Variants in PKIB observed in about 807,000 individuals in gnomAD.
The protein encoded by PKIB is cAMP-dependent protein kinase inhibitor beta.
In PKIB, 2 loss-of-function variants were observed where a neutral mutation model predicts 4.5. That is an observed-to-expected ratio of 0.44 (90% CI 0.18 to 1.39). PKIB has a LOEUF of 1.39. PKIB is among the 40% of genes most tolerant of loss of function. The pLI is 0.27. For missense variants in PKIB, 94 were observed against 92.6 expected (o/e 1.02, Z -0.06); for synonymous variants, 38 against 36.0 (o/e 1.06, Z -0.20).
intron 2 of PKIB, among the ~76,000 whole-genome samples, chr6:122,577,385 A>G (rs1004642841): frequency 1.3e-5 from 2 of 152,094 alleles, no homozygotes; most frequent in Non-Finnish European, 2.9e-5. Context: ...TTGTTTGTAT[A>G]TTTTTTCTTA....
intron 2 of PKIB, among the ~76,000 whole-genome samples, chr6:122,565,543 C>G (rs1424042716): frequency 6.6e-6 from 1 of 152,100 alleles, no homozygotes; most frequent in Non-Finnish European, 1.5e-5. Context: ...ATTTTTCTAC[C>G]AAGTTCCTTA....
At chr6:122,631,746 A>C (rs1775713225) in intron 1 of PKIB, among the ~76,000 whole-genome samples, 1 of 152,176 alleles carries the variant, frequency 6.6e-6, no homozygotes, top group South Asian at 2.1e-4. Context: ...ACTAGAACTG[A>C]GTTCAGTGCT....
chr6:122,657,797 A>G (rs1776832546), intron 2 of PKIB, among the ~76,000 whole-genome samples: 1 of 152,226 alleles, frequency 6.6e-6, no homozygotes, highest in Admixed American at 6.5e-5. Flanking sequence ...ATCTCAATAT[A>G]CTCATAAAAC....
intron 2 of PKIB, chr6:122,480,184 A>T (rs879534120): frequency 1.3e-5 from 2 of 152,150 alleles, no homozygotes; most frequent in African/African-American, 2.4e-5. Flanking sequence ...CTGGGACTAC[A>T]GGCGCCCGCC....
intron 2 of PKIB, among the ~76,000 whole-genome samples, chr6:122,514,063 T>C (rs540014539): frequency 6.6e-6 from 1 of 152,262 alleles, no homozygotes; most frequent in East Asian, 1.9e-4. Context: ...ACAGGAACAC[T>C]TGGGCTCCTG....
At chr6:122,513,229 C>A (rs1395616645) in intron 2 of PKIB, among the ~76,000 whole-genome samples, 1 of 152,148 alleles carries the variant, frequency 6.6e-6, no homozygotes, top group East Asian at 1.9e-4. Flanking sequence ...TTTCCCACAC[C>A]ATTTAGGCCA....
At chr6:122,546,801 A>C (rs1293189255) in intron 2 of PKIB, among the ~76,000 whole-genome samples, 2 of 152,110 alleles carry the variant, frequency 1.3e-5, no homozygotes, top group Admixed American at 1.3e-4. Flanking sequence ...TAAATATGCA[A>C]AATCAGAGAT....
At chr6:122,704,727 A>AGTGTGTGT (rs1778983329) in intron 3 of PKIB, among the ~76,000 whole-genome samples, 2 of 45,678 alleles carry the variant, frequency 4.4e-5, no homozygotes, top group Non-Finnish European at 9.0e-5. Flanking sequence ...TGAAATAATA[A>AGTGTGTGT]CTGTGTGTGT....
intron 2 of PKIB, among the ~76,000 whole-genome samples, chr6:122,583,960 G>C (rs544608548): frequency 6.6e-6 from 1 of 151,986 alleles, no homozygotes; most frequent in Admixed American, 6.6e-5. Flanking sequence ...TTGCAGTGTG[G>C]GAGTGTCTAA....
Position 122,671,366 on chromosome 6 carries a change from A to G in PKIB, c.-75-3712A>G, listed in dbSNP as rs922635720. Among the ~76,000 whole-genome samples, 13 of 139,190 alleles carry G rather than the reference A, an allele frequency of 9.3e-5. No homozygotes were observed. The Admixed American group carries it at 9.4e-4, about 10-fold the overall frequency. 91.3% of individuals were successfully genotyped at this position (139,190 alleles called of 152,430 possible). On this transcript the variant is annotated intron_variant, in intron 2 of 4. Coordinates refer to ENST00000368452, the MANE Select transcript of PKIB (RefSeq NM_181795.3). ...TCATTGACATTGTAAAATAGTTCAA[A>G]TGAAAGCATAGGTTAGGTCTTATCT...
At chr6:122,623,960 T>G (rs1490552428) in intron 1 of PKIB, among the ~76,000 whole-genome samples, 1 of 152,178 alleles carries the variant, frequency 6.6e-6, no homozygotes, top group Non-Finnish European at 1.5e-5. Context: ...CATTATTCTT[T>G]GTGACAAGAA....
rs937922872 is a variant in PKIB at position 122,587,656 on chromosome 6, G to A, written c.-161+1649G>A. Among the ~76,000 whole-genome samples the A allele has an allele frequency of 1.2e-4, 19 of 152,228 alleles. 1 individual carries two copies. The highest frequency in any genetic ancestry group is 3.9e-4 in the East Asian group (2 of 5,178). ...ACAGCCCCACCAACAGTGTAAAAGT[G>A]TTCCTATTTCTCCACATCCTCTCCA... On this transcript the variant is annotated intron_variant, in intron 3 of 6. Coordinates refer to the PKIB transcript ENST00000392491.
chr6:122,689,932 G>T (rs960461899), intron 3 of PKIB, among the ~76,000 whole-genome samples: 1 of 152,020 alleles, frequency 6.6e-6, no homozygotes, highest in Non-Finnish European at 1.5e-5. Flanking sequence ...ATATCTAGAT[G>T]CTCTAGTGTT....
intron 2 of PKIB, among the ~76,000 whole-genome samples, chr6:122,533,566 A>G (rs1422330342): frequency 6.6e-6 from 1 of 152,040 alleles, no homozygotes; most frequent in Non-Finnish European, 1.5e-5. Flanking sequence ...ACTATAATGC[A>G]TTTTCTTTTT....
chr6:122,509,345 C>A (rs1292981935), intron 2 of PKIB, among the ~76,000 whole-genome samples: 2 of 151,938 alleles, frequency 1.3e-5, no homozygotes, highest in Admixed American at 1.3e-4. Context: ...CTTGTTTAAC[C>A]TGATTTTTAT....
intron 2 of PKIB, among the ~76,000 whole-genome samples, chr6:122,528,621 G>A (rs920984093): frequency 1.3e-5 from 2 of 152,132 alleles, no homozygotes; most frequent in African/African-American, 2.4e-5. Flanking sequence ...GCCAAGTGTG[G>A]TGGCTCATGC....
intron 2 of PKIB, among the ~76,000 whole-genome samples, chr6:122,538,789 T>C (rs1172428833): frequency 1.3e-5 from 2 of 152,254 alleles, no homozygotes; most frequent in South Asian, 2.1e-4. Context: ...ATTTTCACAA[T>C]ATTGATTCTT....
At chr6:122,596,544 A>G (rs1378435200) in intron 3 of PKIB, among the ~76,000 whole-genome samples, 1 of 152,220 alleles carries the variant, frequency 6.6e-6, no homozygotes, top group Non-Finnish European at 1.5e-5. Flanking sequence ...CACCCAGTTC[A>G]TGATAGGCAG....
intron 2 of PKIB, among the ~76,000 whole-genome samples, chr6:122,567,256 A>G (rs1773221310): frequency 6.6e-6 from 1 of 152,196 alleles, no homozygotes; most frequent in South Asian, 2.1e-4. Flanking sequence ...TAGGAAATTA[A>G]CATGCCTTGG....
Sources: gnomAD v4.1 joint callset for allele counts (sites outside exome capture counted in the v4.1 genomes callset) on GRCh38, gnomAD v4.1.1 for gene constraint, MANE v1.5 for transcripts, NCBI Gene and HGNC (gene_info 2026-07-23, HGNC 2026-07-21) for gene names.